Variants in MAP2 observed in about 807,000 individuals in gnomAD.
MAP2 encodes microtubule associated protein 2.
Under a neutral mutation model 137.6 loss-of-function variants are expected in MAP2, and 14 were observed. That is an observed-to-expected ratio of 0.10 (90% CI 0.07 to 0.16). The LOEUF is 0.16. Among genes scored for constraint, MAP2 ranks in the 10% least tolerant of loss-of-function variants. MAP2 has a pLI of 1.00. For synonymous variants in MAP2, 786 were observed against 782.3 expected, an observed-to-expected ratio of 1.00 and a Z score of -0.08; for missense variants, 2,088 against 2,191.5, an observed-to-expected ratio of 0.95 and a Z score of 0.94.
At chr2:209,646,614 C>T (rs779755736) in intron 4 of MAP2, among the ~76,000 whole-genome samples, 9 of 152,080 alleles carry the variant, frequency 5.9e-5, no homozygotes, top group Non-Finnish European at 1.3e-4. Context: ...GCTAAAAGAC[C>T]TACCCATCAG....
intron 5 of MAP2, among the ~76,000 whole-genome samples, chr2:209,678,261 T>C (rs951637793): frequency 5.3e-5 from 8 of 152,016 alleles, no homozygotes; most frequent in Non-Finnish European, 1.2e-4. Flanking sequence ...ATAACAGAGA[T>C]GTCATAGACT....
At chr2:209,464,774 T>C (rs1703718763) in intron 1 of MAP2, among the ~76,000 whole-genome samples, 3 of 152,072 alleles carry the variant, frequency 2.0e-5, no homozygotes, top group Non-Finnish European at 4.4e-5. Context: ...ACTAATATAG[T>C]TTTGAAAATA....
chr2:209,437,739 C>T (rs1406991454), intron 1 of MAP2, among the ~76,000 whole-genome samples: 1 of 151,500 alleles, frequency 6.6e-6, no homozygotes, highest in East Asian at 1.9e-4. Flanking sequence ...AGGGAAATGG[C>T]AATATTCTTC....
intron 13 of MAP2, chr2:209,710,520 T>C (rs1443968991): frequency 1.4e-5 from 6 of 415,510 alleles, no homozygotes; most frequent in Non-Finnish European, 2.2e-5. Flanking sequence ...TTTTTCTGAA[T>C]GTATCTCTAT....
intron 7 of MAP2, 145 bp downstream of exon 7, chr2:209,680,972 G>T: frequency 2.0e-6 from 1 of 509,316 alleles, no homozygotes; most frequent in South Asian, 5.6e-5. Context: ...AAGAAACAAA[G>T]ACTTTAAATA....
chr2:209,610,884 A>G (rs1047733738), intron 3 of MAP2, among the ~76,000 whole-genome samples: 5 of 152,182 alleles, frequency 3.3e-5, no homozygotes, highest in African/African-American at 9.6e-5. Context: ...CAGGCACTAT[A>G]TGAATGGGAC....
chr2:209,618,199 C>T (rs1377237264), intron 3 of MAP2, among the ~76,000 whole-genome samples: 2 of 151,590 alleles, frequency 1.3e-5, no homozygotes, highest in Non-Finnish European at 1.5e-5. Flanking sequence ...AAGGAAGAGA[C>T]AAAAGGAGCA....
At chr2:209,530,732 G>A (rs769820882) in intron 2 of MAP2, among the ~76,000 whole-genome samples, 1 of 152,090 alleles carries the variant, frequency 6.6e-6, no homozygotes, top group Admixed American at 6.5e-5. Flanking sequence ...TTCTTTATAA[G>A]CATCCAGTAA....
At position 209,485,829 on chromosome 2, in the gene MAP2, T is replaced by G. The variant is rs753164118; in HGVS notation, c.-221-21763T>G. 9.5e-4 allele frequency among the ~76,000 whole-genome samples: 144 copies of G among 152,340 alleles called. 1 individual carries two copies. Among genetic ancestry groups the G allele is most frequent in the Non-Finnish European group, 5.9e-4 (40 of 68,032 alleles). ...ACTTAACACTCCTGTGATTAATCTG[T>G]GGCTGGATAGTTGTAGATCAGGGAT... On this transcript the variant is annotated intron_variant, in intron 1 of 15. Transcript: ENST00000682079.
intron 2 of MAP2, among the ~76,000 whole-genome samples, chr2:209,555,327 G>A (rs923165095): frequency 1.3e-5 from 2 of 152,028 alleles, no homozygotes; most frequent in Non-Finnish European, 2.9e-5. Flanking sequence ...AGATGCCAGC[G>A]AATATTCACT....
Position 209,589,198 on chromosome 2 carries a change from A to T in MAP2, c.-107+9098A>T, listed in dbSNP as rs563741117. ...AAATAATCACTTCTGTACCACTTTT[A>T]AGTAATATGAAACATTTTCTAAGAC... is the stretch of plus-strand genomic sequence containing the variant. On this transcript the variant is annotated intron_variant, in intron 3 of 15. Coordinates refer to ENST00000682079, the MANE Select transcript of MAP2 (RefSeq NM_001375505.1). Among the ~76,000 whole-genome samples, 11 of 152,250 alleles carry T rather than the reference A, an allele frequency of 7.2e-5. No individual in the cohort carries two copies. In the South Asian group the frequency reaches 1.7e-3, roughly 23 times the overall value.
At chr2:209,434,733 GATTGCTTGAACC>G (rs1029379901) in intron 1 of MAP2, among the ~76,000 whole-genome samples, 9 of 150,142 alleles carry the variant, frequency 6.0e-5, no homozygotes, top group Non-Finnish European at 1.0e-4. Context: ...GAAGTGAAAG[GATTGCTTGAACC>G]ATAGAGTTTA....
chr2:209,714,037 C>CA (rs200497849), intron 13 of MAP2, among the ~76,000 whole-genome samples: 15,373 of 144,974 alleles, frequency 0.11, 913 homozygotes, highest in East Asian at 0.23. Context: ...ACTAAAAGTA[C>CA]AAAAAAAAAA....
chr2:209,545,112 G>C (rs1264427135), intron 2 of MAP2, among the ~76,000 whole-genome samples: 3 of 152,052 alleles, frequency 2.0e-5, no homozygotes, highest in African/African-American at 7.2e-5. Flanking sequence ...TTTTTGGTGG[G>C]TGGGGGAGGA....
At chr2:209,665,407 A>C (rs1381070099) in intron 5 of MAP2, among the ~76,000 whole-genome samples, 1 of 152,190 alleles carries the variant, frequency 6.6e-6, no homozygotes, top group Non-Finnish European at 1.5e-5. Context: ...TGAAAATGCC[A>C]CTGAAATATT....
At chr2:209,442,121 A>G (rs966432242) in intron 1 of MAP2, among the ~76,000 whole-genome samples, 1 of 151,588 alleles carries the variant, frequency 6.6e-6, no homozygotes, top group Non-Finnish European at 1.5e-5. Context: ...GTGCTTCAGA[A>G]AGGCCCAGAT....
chr2:209,525,908 T>C (rs1266528714), intron 2 of MAP2, among the ~76,000 whole-genome samples: 2 of 152,178 alleles, frequency 1.3e-5, no homozygotes, highest in East Asian at 3.9e-4. Context: ...TCCTGTCATA[T>C]TTCTTTTCTT....
intron 3 of MAP2, among the ~76,000 whole-genome samples, chr2:209,583,011 G>T (rs1300524648): frequency 1.3e-5 from 2 of 151,936 alleles, no homozygotes; most frequent in African/African-American, 4.8e-5. Flanking sequence ...TTTTTTTCTA[G>T]CAGATTTTTG....
chr2:209,637,720 G>T (rs2093682068), intron 4 of MAP2, among the ~76,000 whole-genome samples: 1 of 151,898 alleles, frequency 6.6e-6, no homozygotes, highest in South Asian at 2.1e-4. Flanking sequence ...TATTGTGATG[G>T]TTATGATGAA....
Sources: gnomAD v4.1 joint callset for allele counts (sites outside exome capture counted in the v4.1 genomes callset) on GRCh38, gnomAD v4.1.1 for gene constraint, MANE v1.5 for transcripts, NCBI Gene and HGNC (gene_info 2026-07-23, HGNC 2026-07-21) for gene names.